Variants in LYPLAL1 observed in about 807,000 individuals in gnomAD.
LYPLAL1 encodes the protein lysophospholipase-like protein 1.
LYPLAL1 carries 23 observed loss-of-function variants against 19.7 expected under a neutral mutation model. The ratio of observed to expected loss-of-function variants is 1.17; its 90% CI spans 0.84 to 1.65. LYPLAL1 has a LOEUF of 1.65. Among genes scored for constraint, LYPLAL1 ranks in the 40% most tolerant of loss-of-function variants. LYPLAL1 has a pLI of 0.00. For synonymous variants in LYPLAL1, 119 were observed against 96.3 expected (o/e 1.24, Z -1.38); for missense variants, 355 against 279.4 (o/e 1.27, Z -1.93).
the LYPLAL1 span, among the ~76,000 whole-genome samples, chr1:219,241,516 C>T: frequency 6.6e-6 from 1 of 152,002 alleles, no homozygotes; most frequent in Non-Finnish European, 1.5e-5. Flanking sequence ...GCTAGAAATC[C>T]TTACCTTCTT....
At chr1:219,215,592 G>C (rs1659264349), downstream of LYPLAL1, among the ~76,000 whole-genome samples, 1 of 152,060 alleles carries the variant, frequency 6.6e-6, no homozygotes, top group Non-Finnish European at 1.5e-5. Context: ...TTCTCTCTCT[G>C]TGCAGTTCAC....
chr1:219,210,194 G>A (rs940424780), intron 3 of LYPLAL1: 1 of 160,890 alleles, frequency 6.2e-6, no homozygotes, highest in South Asian at 1.8e-4. Context: ...GTTTCTGTAC[G>A]TGTAAACAAA....
At chr1:219,344,042 C>T in the LYPLAL1 span, among the ~76,000 whole-genome samples, 1 of 152,148 alleles carries the variant, frequency 6.6e-6, no homozygotes, top group Non-Finnish European at 1.5e-5. Flanking sequence ...AGGAAAGATT[C>T]CCCTCCACCT....
At chr1:219,441,054 C>T in the LYPLAL1 span, among the ~76,000 whole-genome samples, 1 of 152,068 alleles carries the variant, frequency 6.6e-6, no homozygotes, top group East Asian at 1.9e-4. Flanking sequence ...CGTGAAACCA[C>T]AAGGATCCAA....
chr1:219,442,870 G>A, the LYPLAL1 span, among the ~76,000 whole-genome samples: 41 of 152,010 alleles, frequency 2.7e-4, no homozygotes, highest in Non-Finnish European at 4.4e-4. Context: ...TTTATCTTCC[G>A]ACTTCAAAGA....
the LYPLAL1 span, among the ~76,000 whole-genome samples, chr1:219,315,649 C>T: frequency 9.6e-3 from 1,460 of 152,264 alleles, 11 homozygotes; most frequent in Middle Eastern, 0.02. Context: ...TCAAGATGTT[C>T]ACCAACCCAC....
At chr1:219,340,922 C>G in the LYPLAL1 span, among the ~76,000 whole-genome samples, 730 of 152,200 alleles carry the variant, frequency 4.8e-3, 5 homozygotes, top group Middle Eastern at 0.02. Flanking sequence ...CCTCTGATCT[C>G]CTATCTGTTA....
the LYPLAL1 span, among the ~76,000 whole-genome samples, chr1:219,342,632 C>T: frequency 6.6e-6 from 1 of 152,080 alleles, no homozygotes; most frequent in Non-Finnish European, 1.5e-5. Flanking sequence ...ACTAGTCTTG[C>T]ATTTTCTGAA....
the LYPLAL1 span, among the ~76,000 whole-genome samples, chr1:219,302,577 AT>A: frequency 6.6e-6 from 1 of 151,826 alleles, no homozygotes; most frequent in Non-Finnish European, 1.5e-5. Context: ...CTGAGTCTCA[AT>A]TTTTTTTCAT....
At chr1:219,356,381 TC>T in the LYPLAL1 span, among the ~76,000 whole-genome samples, 2 of 152,058 alleles carry the variant, frequency 1.3e-5, no homozygotes, top group Admixed American at 1.3e-4. Context: ...GCACCTGTAG[TC>T]CCAGCTACTT....
chr1:219,261,700 C>G, the LYPLAL1 span, among the ~76,000 whole-genome samples: 1 of 152,100 alleles, frequency 6.6e-6, no homozygotes, highest in South Asian at 2.1e-4. Flanking sequence ...ATCCTCAATC[C>G]CTTCTGGCTT....
At chr1:219,385,378 A>G in the LYPLAL1 span, among the ~76,000 whole-genome samples, 1 of 152,178 alleles carries the variant, frequency 6.6e-6, no homozygotes. Context: ...AAAATTGTTC[A>G]AAAGTTTGCA....
chr1:219,434,450 A>G, the LYPLAL1 span, among the ~76,000 whole-genome samples: 1 of 152,208 alleles, frequency 6.6e-6, no homozygotes, highest in East Asian at 1.9e-4. Context: ...ATTCTGGGAC[A>G]AGGCCTGACT....
At chr1:219,327,863 A>AT in the LYPLAL1 span, among the ~76,000 whole-genome samples, 1 of 152,096 alleles carries the variant, frequency 6.6e-6, no homozygotes, top group African/African-American at 2.4e-5. Context: ...ATCTTCCACC[A>AT]TGATTTTGAG....
chr1:219,356,185 A>C, the LYPLAL1 span, among the ~76,000 whole-genome samples: 2 of 152,312 alleles, frequency 1.3e-5, no homozygotes, highest in East Asian at 3.9e-4. Context: ...ATAAATAAAT[A>C]AAATGATTGA....
the LYPLAL1 span, among the ~76,000 whole-genome samples, chr1:219,308,124 T>C: frequency 0.31 from 47,153 of 152,060 alleles, 7,941 homozygotes; most frequent in East Asian, 0.6. Flanking sequence ...GTGATTCTTG[T>C]TATGTTTAAT....
chr1:219,203,841 A>G (rs1005210796), intron 3 of LYPLAL1, among the ~76,000 whole-genome samples: 2 of 152,192 alleles, frequency 1.3e-5, no homozygotes, highest in African/African-American at 2.4e-5. Flanking sequence ...AGCAAATGCA[A>G]TAGATCTAGT....
At chr1:219,368,923 G>A in the LYPLAL1 span, among the ~76,000 whole-genome samples, 80 of 152,276 alleles carry the variant, frequency 5.3e-4, no homozygotes, top group East Asian at 8.9e-3. Flanking sequence ...GGCACTACAC[G>A]AATATTTTTT....
At chr1:219,254,777 C>G in the LYPLAL1 span, among the ~76,000 whole-genome samples, 1 of 151,820 alleles carries the variant, frequency 6.6e-6, no homozygotes, top group African/African-American at 2.4e-5. Context: ...TGTGTAGAAT[C>G]TTGCAGTTCT....
Sources: gnomAD v4.1 joint callset for allele counts (sites outside exome capture counted in the v4.1 genomes callset) on GRCh38, gnomAD v4.1.1 for gene constraint, MANE v1.5 for transcripts, NCBI Gene and HGNC (gene_info 2026-07-23, HGNC 2026-07-21) for gene names.